Variants in KIAA1328 observed in about 807,000 individuals in gnomAD.
KIAA1328 encodes protein hinderin.
A neutral mutation model predicts 68.1 loss-of-function variants in KIAA1328; 52 were observed. The observed-to-expected ratio is 0.76, with a 90% confidence interval of 0.61 to 0.96. The LOEUF (loss-of-function observed/expected upper bound fraction) is 0.96, where lower values mean the gene tolerates loss of function less well. KIAA1328 is among the 40% of genes least tolerant of loss of function. The probability of loss-of-function intolerance (pLI) is 0.00; values close to 1 mark genes in which losing one functional copy is unlikely to be tolerated. For synonymous variants in KIAA1328, 232 were observed against 239.4 expected, an observed-to-expected ratio of 0.97 and a Z score of 0.28; for missense variants, 641 against 677.6, an observed-to-expected ratio of 0.95 and a Z score of 0.60.
intron 6 of KIAA1328, among the ~76,000 whole-genome samples, chr18:37,058,642 G>A (rs1432243443): frequency 6.6e-6 from 1 of 151,978 alleles, no homozygotes; most frequent in East Asian, 1.9e-4. Context: ...AACCCAGGAG[G>A]CAGAGGTTGC....
At chr18:37,199,365 G>T (rs1377207926) in intron 9 of KIAA1328, among the ~76,000 whole-genome samples, 1 of 152,162 alleles carries the variant, frequency 6.6e-6, no homozygotes, top group African/African-American at 2.4e-5. Flanking sequence ...TTCTGTTCGT[G>T]CATTAGTTTG....
chr18:36,920,735 A>G (rs1205405326), intron 5 of KIAA1328, among the ~76,000 whole-genome samples: 4 of 152,106 alleles, frequency 2.6e-5, no homozygotes, highest in Non-Finnish European at 5.9e-5. Context: ...ACCCTGTGTG[A>G]ACTCTGGCAG....
At chr18:37,045,426 G>C (rs1488844396) in intron 6 of KIAA1328, among the ~76,000 whole-genome samples, 1 of 149,508 alleles carries the variant, frequency 6.7e-6, no homozygotes, top group Admixed American at 6.6e-5. Context: ...CAATTATTTT[G>C]TTCTTTGGTC....
chr18:37,211,980 C>G (rs548333784), intron 9 of KIAA1328, among the ~76,000 whole-genome samples: 24 of 151,378 alleles, frequency 1.6e-4, no homozygotes, highest in Non-Finnish European at 1.5e-5. Flanking sequence ...TCAGAGTATC[C>G]CCCCCTAGCT....
At chr18:37,109,351 A>T (rs2057863387) in intron 7 of KIAA1328, among the ~76,000 whole-genome samples, 1 of 152,194 alleles carries the variant, frequency 6.6e-6, no homozygotes, top group Admixed American at 6.5e-5. Context: ...GATGACACTT[A>T]AAGGGGAAAA....
In KIAA1328 at chr18:36,937,866, T is replaced by C. The variant is rs76652542; in HGVS notation, c.449-21442T>C. 6.5e-3 allele frequency among the ~76,000 whole-genome samples: 984 copies of C among 152,288 alleles called. 13 individuals carry two copies. The highest frequency in any genetic ancestry group is 0.022 in the African/African-American group (914 of 41,550). On this transcript the variant is annotated intron_variant, in intron 5 of 9. Transcript: ENST00000280020. ...CCATATGTGAGAATGTGCAATATTG[T>C]CTTTCCATTCTTGGCTTATTTCACT...
chr18:37,220,382 C>T lies in KIAA1328; in HGVS notation c.1524-1635C>T, dbSNP rs143284002. Among the ~76,000 whole-genome samples, 216 of 152,264 alleles carry T rather than the reference C, an allele frequency of 1.4e-3. 1 individual carries two copies. The highest frequency in any genetic ancestry group is 4.9e-3 in the African/African-American group (205 of 41,546). On this transcript the variant is annotated intron_variant, in intron 9 of 9. Transcript: ENST00000280020. ...AAAAATTAAATTTAAAAATTGTATT[C>T]CTCATTAATAATTGGTTCATTAGAA... is the stretch of plus-strand genomic sequence containing the variant.
intron 4 of KIAA1328, among the ~76,000 whole-genome samples, chr18:36,879,574 C>T (rs761623083): frequency 2.2e-4 from 33 of 152,320 alleles, no homozygotes; most frequent in Non-Finnish European, 4.4e-4. Flanking sequence ...GAGATCTGCT[C>T]CTCTCTTCAG....
intron 7 of KIAA1328, among the ~76,000 whole-genome samples, chr18:37,144,323 C>G (rs945821508): frequency 1.3e-5 from 2 of 151,982 alleles, no homozygotes; most frequent in Non-Finnish European, 2.9e-5. Flanking sequence ...GGGTTTACCA[C>G]TTGTATTAAT....
intron 5 of KIAA1328, among the ~76,000 whole-genome samples, chr18:36,912,071 T>C (rs1049213791): frequency 2.0e-5 from 3 of 152,182 alleles, no homozygotes; most frequent in Non-Finnish European, 2.9e-5. Context: ...AAACACCCTT[T>C]TCCCCTTCAA....
chr18:36,879,158 C>T (rs9748401), intron 4 of KIAA1328, among the ~76,000 whole-genome samples: 40,350 of 151,146 alleles, frequency 0.27, 8,400 homozygotes, highest in African/African-American at 0.58. Flanking sequence ...ATGGATTTAT[C>T]TACCTTTGGT....
chr18:36,995,646 A>G (rs948522968), intron 6 of KIAA1328, among the ~76,000 whole-genome samples: 21 of 152,236 alleles, frequency 1.4e-4, no homozygotes, highest in Admixed American at 2.0e-4. Flanking sequence ...ATAAAATGAC[A>G]TGACTGCTCT....
downstream of KIAA1328, among the ~76,000 whole-genome samples, chr18:37,227,362 A>G (rs141063254): frequency 7.2e-5 from 11 of 152,358 alleles, no homozygotes; most frequent in East Asian, 2.1e-3. Context: ...ACAGCCTTCT[A>G]TTGGAAGAAG....
chr18:37,124,656 C>T (rs1395996761), intron 7 of KIAA1328, among the ~76,000 whole-genome samples: 1 of 152,176 alleles, frequency 6.6e-6, no homozygotes, highest in Admixed American at 6.5e-5. Flanking sequence ...TCCTAGTTTA[C>T]AAGTCCATAC....
intron 5 of KIAA1328, among the ~76,000 whole-genome samples, chr18:36,902,831 CTG>C (rs2049088468): frequency 6.6e-6 from 1 of 152,072 alleles, no homozygotes; most frequent in Non-Finnish European, 1.5e-5. Context: ...TTGGCATCCT[CTG>C]TGTTGCATCT....
At chr18:37,090,440 C>T (rs1568390636) in intron 7 of KIAA1328, among the ~76,000 whole-genome samples, 1 of 152,116 alleles carries the variant, frequency 6.6e-6, no homozygotes, top group African/African-American at 2.4e-5. Context: ...TCTACAAAGG[C>T]TTCTCAAGGC....
At chr18:37,090,931 G>T (rs2057249339) in intron 7 of KIAA1328, among the ~76,000 whole-genome samples, 1 of 152,116 alleles carries the variant, frequency 6.6e-6, no homozygotes, top group African/African-American at 2.4e-5. Flanking sequence ...GGAGGAGGAT[G>T]CTGATAAACT....
intron 9 of KIAA1328, among the ~76,000 whole-genome samples, chr18:37,212,087 C>G (rs1011342453): frequency 6.6e-6 from 1 of 152,120 alleles, no homozygotes; most frequent in Admixed American, 6.5e-5. Flanking sequence ...GGATATACCA[C>G]AAGATTTTCA....
intron 7 of KIAA1328, among the ~76,000 whole-genome samples, chr18:37,099,065 C>G (rs1007339252): frequency 6.6e-6 from 1 of 151,980 alleles, no homozygotes; most frequent in South Asian, 2.1e-4. Context: ...TTTTTTGTGT[C>G]TCTATTTCCT....
Sources: allele counts gnomAD v4.1 joint callset (sites outside exome capture counted in the v4.1 genomes callset), GRCh38; gene constraint gnomAD v4.1.1; transcripts MANE v1.5; gene names NCBI Gene and HGNC (gene_info 2026-07-23, HGNC 2026-07-21).